RBFOX1: variants seen among roughly 807,000 people sequenced by gnomAD.
The protein encoded by RBFOX1 is RNA binding protein fox-1 homolog 1.
In RBFOX1, 8 loss-of-function variants were observed where a neutral mutation model predicts 57.7. The ratio of observed to expected loss-of-function variants is 0.14; its 90% CI spans 0.08 to 0.25. The LOEUF (loss-of-function observed/expected upper bound fraction) is 0.25, where lower values mean the gene tolerates loss of function less well. RBFOX1 is among the 10% of genes least tolerant of loss of function. RBFOX1 has a pLI of 1.00. For synonymous variants in RBFOX1, 326 were observed against 222.4 expected (o/e 1.47, Z -4.15); for missense variants, 611 against 548.5 (o/e 1.11, Z -1.14).
chr16:7,411,751 A>C, intron 4 of RBFOX1, among the ~76,000 whole-genome samples: 1 of 152,184 alleles, frequency 6.6e-6, no homozygotes, highest in South Asian at 2.1e-4. Flanking sequence ...TAAAATGCAA[A>C]AATTAGCTGG....
intron 4 of RBFOX1, among the ~76,000 whole-genome samples, chr16:7,061,603 C>T (rs1358506750): frequency 6.6e-6 from 1 of 152,164 alleles, no homozygotes; most frequent in East Asian, 1.9e-4. Flanking sequence ...GGATATTTGG[C>T]CTAATATTCA....
intron 4 of RBFOX1, among the ~76,000 whole-genome samples, chr16:7,254,896 A>G (rs1014515297): frequency 2.0e-5 from 3 of 152,118 alleles, no homozygotes; most frequent in Non-Finnish European, 4.4e-5. Flanking sequence ...TGGTCACTGC[A>G]TTTTGTACCA....
intron 2 of RBFOX1, among the ~76,000 whole-genome samples, chr16:5,558,021 A>C (rs1258751240): frequency 6.6e-6 from 1 of 152,164 alleles, no homozygotes; most frequent in East Asian, 1.9e-4. Context: ...TGGGCGGCCC[A>C]ACTCCGGGGG....
At chr16:6,436,660 T>A (rs2153017287) in intron 2 of RBFOX1, among the ~76,000 whole-genome samples, 1 of 152,236 alleles carries the variant, frequency 6.6e-6, no homozygotes, top group East Asian at 1.9e-4. Flanking sequence ...AATTTGTTGA[T>A]GATTTTTCTG....
intron 3 of RBFOX1, among the ~76,000 whole-genome samples, chr16:5,726,312 G>A (rs1450639278): frequency 6.6e-6 from 1 of 151,908 alleles, no homozygotes; most frequent in Non-Finnish European, 1.5e-5. Context: ...GATTTGTCAG[G>A]CCTGACTTTC....
At chr16:6,645,158 T>C (rs2098523648) in intron 2 of RBFOX1, among the ~76,000 whole-genome samples, 1 of 152,202 alleles carries the variant, frequency 6.6e-6, no homozygotes, top group Admixed American at 6.5e-5. Flanking sequence ...CATGGCTTTC[T>C]CTTCTGTCTC....
intron 4 of RBFOX1, among the ~76,000 whole-genome samples, chr16:7,202,115 C>A (rs988888818): frequency 6.6e-6 from 1 of 151,778 alleles, no homozygotes; most frequent in Non-Finnish European, 1.5e-5. Flanking sequence ...CAACAACAAC[C>A]ACAGCAATAT....
intron 1 of RBFOX1, among the ~76,000 whole-genome samples, chr16:5,303,632 TC>T (rs965613533): frequency 7.9e-5 from 12 of 151,792 alleles, no homozygotes; most frequent in African/African-American, 2.9e-4. Context: ...CCTTCCTCTC[TC>T]CCCCACCACA....
At chr16:7,674,226 T>C (rs2072545119) in intron 13 of RBFOX1, among the ~76,000 whole-genome samples, 1 of 152,282 alleles carries the variant, frequency 6.6e-6, no homozygotes, top group African/African-American at 2.4e-5. Flanking sequence ...CCCTAATCCC[T>C]TTTTCCCTAA....
intron 3 of RBFOX1, among the ~76,000 whole-genome samples, chr16:6,971,863 C>A (rs749922434): frequency 6.6e-6 from 1 of 151,980 alleles, no homozygotes; most frequent in Admixed American, 6.6e-5. Flanking sequence ...AGTCTAATTC[C>A]CTGCAGTGAT....
intron 2 of RBFOX1, among the ~76,000 whole-genome samples, chr16:6,552,188 A>C (rs1026476231): frequency 3.3e-5 from 5 of 152,196 alleles, no homozygotes; most frequent in Non-Finnish European, 2.9e-5. Flanking sequence ...GTAAATATAC[A>C]TACCTTTGAA....
At chr16:5,365,017 G>A (rs2065671144) in intron 1 of RBFOX1, among the ~76,000 whole-genome samples, 1 of 152,160 alleles carries the variant, frequency 6.6e-6, no homozygotes, top group African/African-American at 2.4e-5. Context: ...TCCGAGACAT[G>A]GATTTGAATG....
At chr16:6,443,118 C>T (rs1438669643) in intron 2 of RBFOX1, among the ~76,000 whole-genome samples, 2 of 152,144 alleles carry the variant, frequency 1.3e-5, no homozygotes, top group African/African-American at 2.4e-5. Flanking sequence ...TTTCCCTGAA[C>T]ACCTACTGCC....
chr16:6,580,109 C>T (rs2097514146), intron 2 of RBFOX1, among the ~76,000 whole-genome samples: 2 of 152,028 alleles, frequency 1.3e-5, no homozygotes, highest in African/African-American at 2.4e-5. Context: ...CAGGTGCCCA[C>T]CACCGCACCT....
intron 3 of RBFOX1, among the ~76,000 whole-genome samples, chr16:7,051,012 G>T (rs1196850368): frequency 2.0e-5 from 3 of 152,000 alleles, no homozygotes; most frequent in Non-Finnish European, 4.4e-5. Flanking sequence ...TATACAAAAT[G>T]CGTAAAATAT....
At chr16:6,591,238 G>A (rs1329865853) in intron 2 of RBFOX1, among the ~76,000 whole-genome samples, 2 of 152,126 alleles carry the variant, frequency 1.3e-5, no homozygotes, top group Non-Finnish European at 2.9e-5. Context: ...TTGAGGCCAG[G>A]AGTTCAAGAC....
chr16:5,516,774 T>G (rs1417179521), intron 2 of RBFOX1, among the ~76,000 whole-genome samples: 3 of 152,146 alleles, frequency 2.0e-5, no homozygotes, highest in Non-Finnish European at 4.4e-5. Flanking sequence ...TCTGTTGGTT[T>G]TATAAGGGGC....
chr16:6,992,464 T>C (rs1596336114), intron 3 of RBFOX1, among the ~76,000 whole-genome samples: 1 of 152,122 alleles, frequency 6.6e-6, no homozygotes, highest in Admixed American at 6.6e-5. Flanking sequence ...GTGATCTGCC[T>C]TGGCCTCCCA....
At chr16:5,857,573 C>T (rs781633202) in intron 3 of RBFOX1, among the ~76,000 whole-genome samples, 1 of 152,134 alleles carries the variant, frequency 6.6e-6, no homozygotes, top group Non-Finnish European at 1.5e-5. Context: ...GCCAAATATG[C>T]CTCCAGACAT....
Sources: allele counts gnomAD v4.1 joint callset (sites outside exome capture counted in the v4.1 genomes callset), GRCh38; gene constraint gnomAD v4.1.1; transcripts MANE v1.5; gene names NCBI Gene and HGNC (gene_info 2026-07-23, HGNC 2026-07-21).